Variants in OPCML observed in about 807,000 individuals in gnomAD.
OPCML encodes opioid-binding protein/cell adhesion molecule.
In OPCML, 13 loss-of-function variants were observed where a neutral mutation model predicts 37.8. That is an observed-to-expected ratio of 0.34 (90% CI 0.22 to 0.55). OPCML has a LOEUF of 0.55. Among genes scored for constraint, OPCML ranks in the 20% least tolerant of loss-of-function variants. The pLI, the probability that OPCML is intolerant of heterozygous loss-of-function variation, is 0.91. For missense variants in OPCML, 341 were observed against 435.6 expected, an observed-to-expected ratio of 0.78 and a Z score of 1.93; for synonymous variants, 176 against 168.8, an observed-to-expected ratio of 1.04 and a Z score of -0.33.
At chr11:132,668,051 G>A (rs1287112173) in intron 2 of OPCML, among the ~76,000 whole-genome samples, 2 of 152,216 alleles carry the variant, frequency 1.3e-5, no homozygotes, top group African/African-American at 4.8e-5. Flanking sequence ...AGGAGGGGCT[G>A]ACGGATACAG....
At chr11:133,391,278 T>G (rs1318706489) in intron 1 of OPCML, among the ~76,000 whole-genome samples, 1 of 152,188 alleles carries the variant, frequency 6.6e-6, no homozygotes, top group Non-Finnish European at 1.5e-5. Context: ...AATGACCTAC[T>G]GGCATTGCTC....
rs200306814 is a variant in OPCML at position 132,781,619 on chromosome 11, C to CACA, written c.147-124301_147-124300insTGT. Among the ~76,000 whole-genome samples, 3 of 141,640 alleles carry CACA rather than the reference C, an allele frequency of 2.1e-5. 1 individual carries two copies. The South Asian group carries it at 6.5e-4, about 31-fold the overall frequency. The allele number at this position is 141,640 out of a possible 152,430, so 92.9% of individuals were successfully genotyped here. A position where few individuals can be genotyped will look rare whatever the true frequency, so the allele number is the denominator to read the frequency against. The stretch of plus-strand genomic sequence containing the variant: ...ATATACATACACACACACACACACA[C>CACA]CCTATTTTTTTTTTTTGGTCTGGAA... On this transcript the variant is annotated intron_variant, in intron 2 of 7. Coordinates refer to ENST00000524381, the MANE Select transcript of OPCML (RefSeq NM_001012393.5).
intron 4 of OPCML, among the ~76,000 whole-genome samples, chr11:132,511,862 G>A (rs1382013882): frequency 6.6e-6 from 1 of 151,946 alleles, no homozygotes; most frequent in Non-Finnish European, 1.5e-5. Context: ...TGATAAATTG[G>A]ACTTCATCCA....
intron 1 of OPCML, among the ~76,000 whole-genome samples, chr11:133,405,552 A>T (rs1230940471): frequency 2.0e-5 from 3 of 152,190 alleles, no homozygotes; most frequent in Non-Finnish European, 4.4e-5. Flanking sequence ...TAGAAGACCC[A>T]GGGATTCCCT....
intron 1 of OPCML, among the ~76,000 whole-genome samples, chr11:133,079,827 A>C (rs1412460681): frequency 6.6e-6 from 1 of 152,002 alleles, no homozygotes; most frequent in Non-Finnish European, 1.5e-5. Flanking sequence ...AACCTTCTCC[A>C]TCCTGCTGCA....
chr11:133,309,814 T>C (rs1031338475), intron 1 of OPCML, among the ~76,000 whole-genome samples: 4 of 151,870 alleles, frequency 2.6e-5, no homozygotes, highest in African/African-American at 9.7e-5. Flanking sequence ...ATAAGACCAG[T>C]GATAGATGAG....
intron 1 of OPCML, among the ~76,000 whole-genome samples, chr11:133,223,563 C>T (rs1168780460): frequency 6.6e-6 from 1 of 152,088 alleles, no homozygotes; most frequent in Non-Finnish European, 1.5e-5. Flanking sequence ...GAAACTGCAC[C>T]AGGGGAGCAC....
chr11:133,394,159 G>A (rs957451644), intron 1 of OPCML, among the ~76,000 whole-genome samples: 1 of 152,056 alleles, frequency 6.6e-6, no homozygotes, highest in Admixed American at 6.5e-5. Flanking sequence ...GGCATCACTG[G>A]GCTTCTGGTC....
intron 2 of OPCML, among the ~76,000 whole-genome samples, chr11:132,695,740 G>A (rs990811439): frequency 5.3e-5 from 8 of 152,168 alleles, no homozygotes; most frequent in Non-Finnish European, 1.2e-4. Flanking sequence ...CAGTAAAGGG[G>A]AAAATAAAAG....
chr11:132,899,200 A>G (rs907436883), intron 2 of OPCML, among the ~76,000 whole-genome samples: 1 of 152,192 alleles, frequency 6.6e-6, no homozygotes, highest in Non-Finnish European at 1.5e-5. Context: ...GCAGTTATAA[A>G]TACCAGCTGT....
intron 2 of OPCML, among the ~76,000 whole-genome samples, chr11:132,873,525 C>T (rs1304409703): frequency 6.6e-6 from 1 of 151,798 alleles, no homozygotes; most frequent in Non-Finnish European, 1.5e-5. Context: ...GACAGAGGCA[C>T]CCAATGGGTG....
intron 2 of OPCML, among the ~76,000 whole-genome samples, chr11:132,912,872 G>T (rs1944472781): frequency 6.6e-6 from 1 of 152,134 alleles, no homozygotes; most frequent in South Asian, 2.1e-4. Flanking sequence ...TCTTCCATGG[G>T]GACTTTGAAA....
chr11:133,154,496 A>G (rs1172555581), intron 1 of OPCML, among the ~76,000 whole-genome samples: 1 of 152,160 alleles, frequency 6.6e-6, no homozygotes, highest in Non-Finnish European at 1.5e-5. Context: ...AAATTTGGGA[A>G]GTTTCATTGG....
chr11:133,055,326 G>T (rs1478656828), intron 1 of OPCML, among the ~76,000 whole-genome samples: 2 of 150,254 alleles, frequency 1.3e-5, no homozygotes, highest in Non-Finnish European at 3.0e-5. Context: ...TCCAAGTAGT[G>T]AGACTCCATG....
At chr11:132,961,419 T>A (rs546668487) in intron 1 of OPCML, among the ~76,000 whole-genome samples, 70 of 152,302 alleles carry the variant, frequency 4.6e-4, no homozygotes, top group African/African-American at 1.7e-3. Context: ...CCGTTCTGGT[T>A]CCATATTTGA....
chr11:133,020,849 CT>C (rs937219507), intron 1 of OPCML, among the ~76,000 whole-genome samples: 11 of 151,780 alleles, frequency 7.2e-5, no homozygotes, highest in East Asian at 1.9e-4. Context: ...CAGTAAGAAA[CT>C]TTTTTTTTCT....
intron 2 of OPCML, among the ~76,000 whole-genome samples, chr11:132,874,934 C>T (rs769332759): frequency 2.0e-5 from 3 of 152,186 alleles, no homozygotes; most frequent in Non-Finnish European, 4.4e-5. Flanking sequence ...CTCAGCTCCT[C>T]ACCACCCATC....
intron 4 of OPCML, among the ~76,000 whole-genome samples, chr11:132,492,399 A>G (rs1307227030): frequency 1.3e-5 from 2 of 152,162 alleles, no homozygotes; most frequent in Non-Finnish European, 2.9e-5. Context: ...AGGTAGAACC[A>G]GCAGGATCTG....
chr11:133,026,920 A>G (rs1947565667), intron 1 of OPCML, among the ~76,000 whole-genome samples: 1 of 152,220 alleles, frequency 6.6e-6, no homozygotes, highest in Non-Finnish European at 1.5e-5. Flanking sequence ...TATGAGATAC[A>G]TGACTAACCT....
Sources: gnomAD v4.1 joint callset for allele counts (sites outside exome capture counted in the v4.1 genomes callset) on GRCh38, gnomAD v4.1.1 for gene constraint, MANE v1.5 for transcripts, NCBI Gene and HGNC (gene_info 2026-07-23, HGNC 2026-07-21) for gene names.